The following OR51B5 variants were observed in gnomAD, a reference collection of about 807,000 sequenced individuals.
OR51B5 encodes olfactory receptor 51B5.
For missense variants in OR51B5, 456 were observed against 374.6 expected (o/e 1.22, Z -1.79); for synonymous variants, 186 against 144.8 (o/e 1.28, Z -2.04).
chr11:5,418,766 A>T (rs1564807106), intron 1 of OR51B5, among the ~76,000 whole-genome samples: 1 of 151,976 alleles, frequency 6.6e-6, no homozygotes, highest in Non-Finnish European at 1.5e-5. Flanking sequence ...ATTAGGAGAA[A>T]TACCTAATGT....
At chr11:5,489,228 C>T (rs536634174) in intron 1 of OR51B5, 39 of 1,613,916 alleles carry the variant, frequency 2.4e-5, no homozygotes, top group Admixed American at 1.0e-4. Context: ...ACTGTGGTCA[C>T]CGTGTCATGA....
rs12575572 is a variant in OR51B5, at chr11:5,412,003, C to T, written n.85-65093G>A. Among the ~76,000 whole-genome samples the T allele has an allele frequency of 0.039, 5,978 of 152,224 alleles. 514 individuals carry two copies. In the East Asian group the frequency reaches 0.4, roughly 10 times the overall value. On this transcript the variant is annotated intron_variant and non_coding_transcript_variant, in intron 1 of 4. Transcript: ENST00000415970. Reference sequence around the variant, plus strand: ...AGATCTATTTCAGATTTCTGAACTACGGACTCTAAGATTAAAAAACAAAAA... The same window carrying T: ...AGATCTATTTCAGATTTCTGAACTATGGACTCTAAGATTAAAAAACAAAAA...
At chr11:5,410,927 T>C (rs1210039550) in intron 1 of OR51B5, among the ~76,000 whole-genome samples, 5 of 124,326 alleles carry the variant, frequency 4.0e-5, no homozygotes, top group Admixed American at 2.8e-4. Flanking sequence ...CACTGTACAA[T>C]GCATTCATGG....
At chr11:5,351,518 A>G (rs746209298) in intron 1 of OR51B5, 9 of 1,611,344 alleles carry the variant, frequency 5.6e-6, no homozygotes, top group South Asian at 4.4e-5. Flanking sequence ...ATGGGGCTCA[A>G]TAAGTCTGCT....
intron 1 of OR51B5, chr11:5,431,344 A>G (rs2133768703): frequency 3.4e-6 from 1 of 295,112 alleles, no homozygotes; most frequent in Middle Eastern, 1.0e-3. Context: ...ATCAAACCAA[A>G]GAATGCCTGT....
At chr11:5,504,428 G>A (rs1171505167) in intron 1 of OR51B5, among the ~76,000 whole-genome samples, 2 of 152,150 alleles carry the variant, frequency 1.3e-5, no homozygotes, top group Non-Finnish European at 2.9e-5. Context: ...CCAAAACTCT[G>A]TGACTCTATC....
intron 1 of OR51B5, among the ~76,000 whole-genome samples, chr11:5,418,683 AT>A (rs1850278894): frequency 6.6e-6 from 1 of 151,696 alleles, no homozygotes; most frequent in Non-Finnish European, 1.5e-5. Context: ...AACAATGAGA[AT>A]ACATGGACAC....
At chr11:5,370,337 A>G (rs1366953574) in intron 1 of OR51B5, among the ~76,000 whole-genome samples, 1 of 152,196 alleles carries the variant, frequency 6.6e-6, no homozygotes, top group Non-Finnish European at 1.5e-5. Context: ...CAGCAAAGTG[A>G]GATAGGCATT....
intron 1 of OR51B5, among the ~76,000 whole-genome samples, chr11:5,374,578 CT>C (rs1184390433): frequency 6.6e-6 from 1 of 151,978 alleles, no homozygotes; most frequent in Non-Finnish European, 1.5e-5. Flanking sequence ...AAGATAAAAA[CT>C]TTGAAAAAAA....
At chr11:5,366,721 G>A (rs1228342566) in intron 1 of OR51B5, among the ~76,000 whole-genome samples, 1 of 151,624 alleles carries the variant, frequency 6.6e-6, no homozygotes, top group Non-Finnish European at 1.5e-5. Flanking sequence ...AGGAGGAAAG[G>A]AAAGGAAAGA....
At chr11:5,399,285 G>T (rs1238520229) in intron 1 of OR51B5, among the ~76,000 whole-genome samples, 1 of 152,144 alleles carries the variant, frequency 6.6e-6, no homozygotes, top group African/African-American at 2.4e-5. Context: ...CAATAACAAG[G>T]AAAGACAATT....
intron 1 of OR51B5, among the ~76,000 whole-genome samples, chr11:5,380,790 C>G (rs182474382): frequency 9.2e-5 from 14 of 152,238 alleles, no homozygotes; most frequent in Admixed American, 4.6e-4. Context: ...GAAGAATGAA[C>G]TGGTTGGCAG....
chr11:5,441,423 A>G (rs762654724), intron 1 of OR51B5: 7 of 1,613,946 alleles, frequency 4.3e-6, no homozygotes, highest in Non-Finnish European at 5.9e-6. Context: ...GCAGAAAATC[A>G]GGGCAACCCA....
At chr11:5,494,910 G>C (rs1008991117) in intron 1 of OR51B5, among the ~76,000 whole-genome samples, 2 of 152,160 alleles carry the variant, frequency 1.3e-5, no homozygotes, top group African/African-American at 4.8e-5. Flanking sequence ...GCTGACCAAA[G>C]GTTCAGGGAC....
chr11:5,398,166 C>A (rs1849909442), intron 1 of OR51B5, among the ~76,000 whole-genome samples: 1 of 145,552 alleles, frequency 6.9e-6, no homozygotes, highest in Middle Eastern at 3.5e-3. Context: ...CTAACCTGCA[C>A]CTTGTGCACA....
intron 1 of OR51B5, among the ~76,000 whole-genome samples, chr11:5,415,235 A>G (rs1314853634): frequency 6.6e-6 from 1 of 151,320 alleles, no homozygotes; most frequent in Non-Finnish European, 1.5e-5. Context: ...AACGAGAACA[A>G]AGACACAACA....
At chr11:5,381,209 A>G (rs1035971405) in intron 1 of OR51B5, among the ~76,000 whole-genome samples, 1 of 151,104 alleles carries the variant, frequency 6.6e-6, no homozygotes, top group Non-Finnish European at 1.5e-5. Context: ...TGCAATGAAA[A>G]CCATTTGCAC....
At chr11:5,342,678 G>A in exon 1 of OR51B5, 1 of 1,614,014 alleles carries the variant, frequency 6.2e-7, no homozygotes, top group Non-Finnish European at 8.5e-7. Context: ...TTCATTAGTG[G>A]AGGGAACAGA....
chr11:5,489,462 G>A, intron 1 of OR51B5: 1 of 1,613,962 alleles, frequency 6.2e-7, no homozygotes, highest in Non-Finnish European at 8.5e-7. Context: ...GCATCATCCT[G>A]GTTTTCTACA....
Sources: gnomAD v4.1 joint callset for allele counts (sites outside exome capture counted in the v4.1 genomes callset) on GRCh38, gnomAD v4.1.1 for gene constraint, MANE v1.5 for transcripts, NCBI Gene and HGNC (gene_info 2026-07-23, HGNC 2026-07-21) for gene names.